Variants in CLTCL1 observed in about 807,000 individuals in gnomAD.
The protein encoded by CLTCL1 is clathrin heavy chain 2.
Under a neutral mutation model 190.0 loss-of-function variants are expected in CLTCL1, and 159 were observed. The ratio of observed to expected loss-of-function variants is 0.84; its 90% CI spans 0.74 to 0.95. The LOEUF (loss-of-function observed/expected upper bound fraction) is 0.95. Ranked by LOEUF, CLTCL1 falls within the 40% of genes least tolerant of loss-of-function variation. The pLI, the probability that CLTCL1 is intolerant of heterozygous loss-of-function variation, is 0.00. For missense variants in CLTCL1, 1,878 were observed against 2,033.4 expected (o/e 0.92, Z 1.47); for synonymous variants, 752 against 769.6 (o/e 0.98, Z 0.38).
At position 19,226,365 on chromosome 22, in the gene CLTCL1, C is replaced by T. The variant is rs1555956120; in HGVS notation, c.1801G>A (p.Gly601Arg). ...TCGTAATGAGTAAACATTTTATTTCCAAGGATGGCATCTGCAACCTATGAA... is the reference window on the plus strand; with the variant it reads ...TCGTAATGAGTAAACATTTTATTTCTAAGGATGGCATCTGCAACCTATGAA... ...HAPQVADAIL[G>R]NKMFTHYDRA... The change falls in exon 12 of 33, where the codon GGA (glycine) becomes AGA (arginine). Residue 601 changes from glycine (G) to arginine (R), a missense_variant. Transcript: ENST00000427926. 1 of 1,613,982 alleles carries T rather than the reference C, an allele frequency of 6.2e-7. No individual in the cohort carries two copies. The highest frequency in any genetic ancestry group is 1.1e-5 in the South Asian group (1 of 91,076).
At chr22:19,260,411 TA>T (rs2086901751) in intron 2 of CLTCL1, among the ~76,000 whole-genome samples, 1 of 148,588 alleles carries the variant, frequency 6.7e-6, no homozygotes, top group Non-Finnish European at 1.5e-5. Context: ...TGTTAGGGGA[TA>T]ATGCAGCTGG....
At chr22:19,223,130 C>T (rs1432868596) in intron 14 of CLTCL1, among the ~76,000 whole-genome samples, 2 of 152,304 alleles carry the variant, frequency 1.3e-5, no homozygotes, top group African/African-American at 2.4e-5. Flanking sequence ...AAGAACAGCA[C>T]ACCTGCGGTA....
chr22:19,239,437 G>A, intron 4 of CLTCL1, 49 bp from the exon 5 acceptor site: 1 of 1,370,622 alleles, frequency 7.3e-7, no homozygotes, highest in Non-Finnish European at 1.0e-6. Context: ...GTGGTGGTGG[G>A]CAAGTGCTAG....
chr22:19,243,800 C>A (rs1555966789), intron 3 of CLTCL1, among the ~76,000 whole-genome samples: 1 of 150,296 alleles, frequency 6.7e-6, no homozygotes, highest in East Asian at 2.0e-4. Flanking sequence ...TGGGTTCACG[C>A]CATTCTCCTG....
At chr22:19,217,445 G>A (rs377524985) in intron 18 of CLTCL1, among the ~76,000 whole-genome samples, 1 of 151,722 alleles carries the variant, frequency 6.6e-6, no homozygotes, top group East Asian at 1.9e-4. Flanking sequence ...TGAAACCCCA[G>A]CTCTACTAAA....
chr22:19,265,984 A>C (rs2518855), intron 2 of CLTCL1, among the ~76,000 whole-genome samples: 35,812 of 152,118 alleles, frequency 0.24, 5,134 homozygotes, highest in African/African-American at 0.39. Context: ...GATGATCCTC[A>C]AGCCTCAGAC....
At chr22:19,231,044 G>A (rs1555958878) in intron 10 of CLTCL1, among the ~76,000 whole-genome samples, 1 of 151,904 alleles carries the variant, frequency 6.6e-6, no homozygotes, top group Non-Finnish European at 1.5e-5. Flanking sequence ...TACACCAAAG[G>A]CCCCCCAGGG....
intron 19 of CLTCL1, among the ~76,000 whole-genome samples, chr22:19,212,659 G>A (rs2085271751): frequency 6.7e-6 from 1 of 149,648 alleles, no homozygotes; most frequent in Admixed American, 6.7e-5. Context: ...AAGAAAGAAA[G>A]AAAGAAAAGA....
At chr22:19,237,462 G>A (rs1425588695) in intron 5 of CLTCL1, among the ~76,000 whole-genome samples, 1 of 152,206 alleles carries the variant, frequency 6.6e-6, no homozygotes, top group Non-Finnish European at 1.5e-5. Context: ...GCTACCACCG[G>A]CAGCATCAGT....
intron 27 of CLTCL1, 139 bp downstream of exon 27, chr22:19,191,165 A>G (rs2084489887): frequency 1.0e-6 from 1 of 960,228 alleles, no homozygotes; most frequent in South Asian, 1.7e-5. Flanking sequence ...TCTGAAACCT[A>G]AAACACTTTG....
intron 2 of CLTCL1, among the ~76,000 whole-genome samples, chr22:19,255,020 A>G (rs1290362133): frequency 6.6e-6 from 1 of 152,220 alleles, no homozygotes; most frequent in East Asian, 1.9e-4. Flanking sequence ...TGCTTCCCAC[A>G]AAGATTGGGA....
chr22:19,201,088 A>G (rs1569161922), intron 23 of CLTCL1, among the ~76,000 whole-genome samples: 4 of 152,242 alleles, frequency 2.6e-5, no homozygotes, highest in Non-Finnish European at 4.4e-5. Flanking sequence ...GAAAATACTT[A>G]TAATACTGGT....
rs180841728 is a variant in CLTCL1, at chr22:19,207,384, T to C, written c.3600+770A>G. 1.6e-3 allele frequency: 629 copies of C among 392,532 alleles called. 4 individuals carry two copies. Among genetic ancestry groups the C allele is most frequent in the Non-Finnish European group, 1.3e-3 (295 of 222,820 alleles). 24.3% of individuals were successfully genotyped at this position (392,532 alleles called of 1,614,324 possible). On this transcript the variant is annotated intron_variant, in intron 22 of 32. Coordinates refer to ENST00000427926, the MANE Select transcript of CLTCL1 (RefSeq NM_007098.4). The stretch of plus-strand genomic sequence containing the variant: ...TCTGACTCAATTAATTTTGTTTTCT[T>C]GTAGTAAACAGAACGCCTGGATGTA...
At chr22:19,220,137 C>T (rs782432345) in intron 17 of CLTCL1, 130 bp from the exon 18 acceptor site, 103 of 1,140,566 alleles carry the variant, frequency 9.0e-5, no homozygotes, top group Non-Finnish European at 1.3e-4. Flanking sequence ...AGGCAAGACG[C>T]TATGCTTTGA....
chr22:19,223,055 A>G (rs949799014), intron 14 of CLTCL1, among the ~76,000 whole-genome samples: 2 of 152,218 alleles, frequency 1.3e-5, no homozygotes, highest in African/African-American at 2.4e-5. Context: ...CCAAATCTGG[A>G]CAAAAATATC....
chr22:19,274,437 G>T (rs911011029), intron 2 of CLTCL1, among the ~76,000 whole-genome samples: 1 of 152,122 alleles, frequency 6.6e-6, no homozygotes, highest in South Asian at 2.1e-4. Context: ...TCCCATAATT[G>T]TAATAATTTC....
At chr22:19,187,439 T>A in intron 29 of CLTCL1, 119 bp downstream of exon 29, 1 of 961,932 alleles carries the variant, frequency 1.0e-6, no homozygotes, top group Non-Finnish European at 1.6e-6. Context: ...ACCACGAGGA[T>A]CCCCTGGTGA....
intron 1 of CLTCL1, among the ~76,000 whole-genome samples, chr22:19,282,236 G>C (rs1436445327): frequency 6.6e-6 from 1 of 151,962 alleles, no homozygotes; most frequent in African/African-American, 2.4e-5. Context: ...GGCTGAGGCA[G>C]GAGAATTGCT....
intron 2 of CLTCL1, among the ~76,000 whole-genome samples, chr22:19,256,514 G>A (rs140414713): frequency 5.6e-4 from 85 of 151,610 alleles, no homozygotes; most frequent in Non-Finnish European, 1.0e-3. Flanking sequence ...ATGCCATCAC[G>A]CCCACCTAAT....
Sources: gnomAD v4.1 joint callset for allele counts (sites outside exome capture counted in the v4.1 genomes callset) on GRCh38, gnomAD v4.1.1 for gene constraint, MANE v1.5 for transcripts, NCBI Gene and HGNC (gene_info 2026-07-23, HGNC 2026-07-21) for gene names.